TMEM131L: variants seen among roughly 807,000 people sequenced by gnomAD.
The protein encoded by TMEM131L is transmembrane protein 131-like.
A neutral mutation model predicts 192.2 loss-of-function variants in TMEM131L; 54 were observed. The observed-to-expected ratio is 0.28, with a 90% CI of 0.23 to 0.35. The LOEUF is 0.35. Among genes scored for constraint, TMEM131L ranks in the 10% least tolerant of loss-of-function variants. The probability of loss-of-function intolerance (pLI) is 1.00; values close to 1 mark genes in which losing one functional copy is unlikely to be tolerated. For missense variants in TMEM131L, 1,888 were observed against 1,972.9 expected (o/e 0.96, Z 0.82); for synonymous variants, 701 against 704.9 (o/e 0.99, Z 0.09).
chr4:153,576,100 C>T (rs903460377), intron 7 of TMEM131L, among the ~76,000 whole-genome samples: 10 of 152,052 alleles, frequency 6.6e-5, no homozygotes, highest in African/African-American at 2.4e-4. Context: ...GCTGGGACTA[C>T]AGGCGCCCGC....
At chr4:153,559,416 A>G (rs1245569544) in intron 7 of TMEM131L, among the ~76,000 whole-genome samples, 2 of 152,202 alleles carry the variant, frequency 1.3e-5, no homozygotes. Flanking sequence ...GGAGACTGAT[A>G]CTGATGTGCT....
intron 7 of TMEM131L, among the ~76,000 whole-genome samples, chr4:153,561,913 T>C (rs911535442): frequency 4.1e-4 from 62 of 152,222 alleles, no homozygotes; most frequent in African/African-American, 1.3e-3. Context: ...TGAAACTTAA[T>C]TTTTTTGGCT....
rs765324707 is a variant in TMEM131L at position 153,623,110 on chromosome 4, C to T, written c.4045+27C>T. On this transcript the variant is annotated intron_variant, in intron 29 of 34. Coordinates refer to ENST00000409959, the MANE Select transcript of TMEM131L (RefSeq NM_001131007.2). Reference sequence around the variant, plus strand: ...TGAGTCCTGAGCAGAGCCCCAGGCACTCTCGGTGGCCCTTCCCTCTGCCCT... The same window carrying T: ...TGAGTCCTGAGCAGAGCCCCAGGCATTCTCGGTGGCCCTTCCCTCTGCCCT... 1.8e-5 allele frequency: 27 copies of T among 1,542,262 alleles called. No homozygotes were observed. In the East Asian group the frequency reaches 5.9e-4, roughly 34 times the overall value.
At chr4:153,629,612 T>C (rs1053183189) in intron 31 of TMEM131L, among the ~76,000 whole-genome samples, 1 of 152,218 alleles carries the variant, frequency 6.6e-6, no homozygotes, top group Non-Finnish European at 1.5e-5. Context: ...TTCAAATTCC[T>C]CTCCTCCCTG....
chr4:153,625,513 G>T (rs1229606453), intron 29 of TMEM131L, among the ~76,000 whole-genome samples: 1 of 152,166 alleles, frequency 6.6e-6, no homozygotes, highest in Non-Finnish European at 1.5e-5. Flanking sequence ...AGCATAGTAT[G>T]CAGTCTTCAA....
chr4:153,621,448 G>A (rs915965766), intron 27 of TMEM131L, among the ~76,000 whole-genome samples: 1 of 152,176 alleles, frequency 6.6e-6, no homozygotes, highest in Admixed American at 6.5e-5. Flanking sequence ...CAGGCAGTGT[G>A]GCACTCTGTC....
At chr4:153,546,044 G>A (rs6819973) in intron 3 of TMEM131L, among the ~76,000 whole-genome samples, 30,623 of 151,544 alleles carry the variant, frequency 0.2, 4,364 homozygotes, top group African/African-American at 0.37. Flanking sequence ...CACTGAGCTC[G>A]GATAATATAT....
intron 31 of TMEM131L, 53 bp downstream of exon 31, chr4:153,627,740 G>A (rs1733949950): frequency 1.4e-6 from 2 of 1,456,526 alleles, no homozygotes; most frequent in South Asian, 2.3e-5. Context: ...TGTGCTGTCT[G>A]TATTCCTGGC....
At chr4:153,466,829 G>T (rs1292207497) in intron 1 of TMEM131L, among the ~76,000 whole-genome samples, 1 of 152,058 alleles carries the variant, frequency 6.6e-6, no homozygotes, top group Admixed American at 6.5e-5. Context: ...TGTGTGGCGC[G>T]CGCGGGTGCC....
intron 27 of TMEM131L, among the ~76,000 whole-genome samples, chr4:153,621,320 C>A (rs1733390406): frequency 6.6e-6 from 1 of 152,160 alleles, no homozygotes; most frequent in Non-Finnish European, 1.5e-5. Context: ...ATAGTTACCC[C>A]TCAGGTCACC....
intron 3 of TMEM131L, among the ~76,000 whole-genome samples, chr4:153,516,406 A>G (rs1734734128): frequency 6.6e-6 from 1 of 151,856 alleles, no homozygotes; most frequent in Admixed American, 6.6e-5. Flanking sequence ...ATTGTTATAT[A>G]TTTTTTAGAG....
chr4:153,543,448 A>T (rs529512437), intron 3 of TMEM131L, among the ~76,000 whole-genome samples: 1 of 152,220 alleles, frequency 6.6e-6, no homozygotes, highest in Admixed American at 6.5e-5. Flanking sequence ...TAAATTGTGC[A>T]GCTTAGGCCA....
At chr4:153,473,326 C>T (rs529884861) in intron 2 of TMEM131L, among the ~76,000 whole-genome samples, 1 of 152,338 alleles carries the variant, frequency 6.6e-6, no homozygotes, top group African/African-American at 2.4e-5. Context: ...TTGCAGGCAG[C>T]AGTCTGCAGG....
At chr4:153,589,839 T>A (rs2150821961) in intron 16 of TMEM131L, among the ~76,000 whole-genome samples, 1 of 152,342 alleles carries the variant, frequency 6.6e-6, no homozygotes, top group East Asian at 1.9e-4. Flanking sequence ...TTTGCTTTAT[T>A]TCTCTATGTG....
chr4:153,494,149 T>C (rs1018970942), intron 3 of TMEM131L, among the ~76,000 whole-genome samples: 3 of 152,108 alleles, frequency 2.0e-5, no homozygotes, highest in Non-Finnish European at 4.4e-5. Context: ...TCTCGTAAGG[T>C]AAGGATCCCA....
intron 25 of TMEM131L, among the ~76,000 whole-genome samples, chr4:153,611,396 G>A (rs1453115964): frequency 2.0e-5 from 3 of 152,202 alleles, no homozygotes; most frequent in Non-Finnish European, 1.5e-5. Flanking sequence ...AGTGGCTGTC[G>A]TGACCAGAAT....
At chr4:153,550,417 C>T (rs539846943) in intron 4 of TMEM131L, among the ~76,000 whole-genome samples, 3 of 152,138 alleles carry the variant, frequency 2.0e-5, no homozygotes, top group Non-Finnish European at 4.4e-5. Context: ...AGCTCTGCCT[C>T]CCGGGTTTAC....
intron 7 of TMEM131L, among the ~76,000 whole-genome samples, chr4:153,567,516 C>G (rs529510941): frequency 4.7e-5 from 7 of 150,432 alleles, no homozygotes; most frequent in African/African-American, 1.7e-4. Flanking sequence ...GTAAGTGAAG[C>G]AAGAAAGCTA....
At chr4:153,612,451 G>A in intron 26 of TMEM131L, 51 bp downstream of exon 26, 2 of 1,354,574 alleles carry the variant, frequency 1.5e-6, no homozygotes, top group South Asian at 1.4e-5. Context: ...TTTTAGGACT[G>A]TGTATTAAGT....
Sources: gnomAD v4.1 joint callset for allele counts (sites outside exome capture counted in the v4.1 genomes callset) on GRCh38, gnomAD v4.1.1 for gene constraint, MANE v1.5 for transcripts, NCBI Gene and HGNC (gene_info 2026-07-23, HGNC 2026-07-21) for gene names.